Variants in MAP2K4 observed in about 807,000 individuals in gnomAD.
MAP2K4 encodes dual specificity mitogen-activated protein kinase kinase 4.
A neutral mutation model predicts 48.5 loss-of-function variants in MAP2K4; 4 were observed. That is an observed-to-expected ratio of 0.08 (90% CI 0.04 to 0.19). The LOEUF is 0.19. Among genes scored for constraint, MAP2K4 ranks in the 10% least tolerant of loss-of-function variants. The pLI is 1.00. For synonymous variants in MAP2K4, 166 were observed against 173.1 expected, an observed-to-expected ratio of 0.96 and a Z score of 0.32; for missense variants, 258 against 493.3, an observed-to-expected ratio of 0.52 and a Z score of 4.52.
intron 2 of MAP2K4, among the ~76,000 whole-genome samples, chr17:12,066,069 C>A (rs1453892606): frequency 6.6e-6 from 1 of 151,762 alleles, no homozygotes; most frequent in Non-Finnish European, 1.5e-5. Context: ...CTAGAGTCCC[C>A]TAAAAAGTTG....
intron 4 of MAP2K4, among the ~76,000 whole-genome samples, chr17:12,098,258 T>A (rs561560927): frequency 2.4e-4 from 36 of 152,190 alleles, no homozygotes; most frequent in Admixed American, 9.8e-4. Context: ...GGTGGGCGGA[T>A]CACGAGGTCA....
At chr17:12,061,433 C>T (rs1025087033) in intron 2 of MAP2K4, among the ~76,000 whole-genome samples, 1 of 152,296 alleles carries the variant, frequency 6.6e-6, no homozygotes, top group South Asian at 2.1e-4. Flanking sequence ...AAGTGATTCT[C>T]GACAGAGGTG....
At chr17:12,079,123 A>T (rs1971107258) in intron 2 of MAP2K4, among the ~76,000 whole-genome samples, 1 of 149,686 alleles carries the variant, frequency 6.7e-6, no homozygotes, top group Non-Finnish European at 1.5e-5. Flanking sequence ...TAAAGTGTAT[A>T]GTTCATTTGC....
rs182482701 is a variant in MAP2K4 at position 12,048,621 on chromosome 17, C to G, written c.116-6268C>G. Among the ~76,000 whole-genome samples, 35 of 151,996 alleles carry G rather than the reference C, an allele frequency of 2.3e-4. No individual in the cohort carries two copies. In the South Asian group the frequency reaches 5.8e-3, roughly 25 times the overall value. The stretch of plus-strand genomic sequence containing the variant: ...TGGATATATGGAATACCTGATATTG[C>G]GAGTCTAACATCTCTTTTTCTTTAT... On this transcript the variant is annotated intron_variant, in intron 1 of 10. Coordinates refer to ENST00000353533, the MANE Select transcript of MAP2K4 (RefSeq NM_003010.4).
rs1191386417 is a variant in MAP2K4 at position 12,107,821 on chromosome 17, C to G, written c.545C>G (p.Ser182Cys). The change falls in exon 5 of 11, where the codon TCT becomes TGT. Residue 182 changes from serine (S) to cysteine (C), a missense_variant. Ser to Cys is a moderately radical substitution (Grantham distance 112). Coordinates refer to ENST00000353533, the MANE Select transcript of MAP2K4 (RefSeq NM_003010.4). ...TGTTGGATCTGTATGGAACTCATGTCTACCTCGTTTGATAAGTTTTACAAA... is the reference window on the plus strand; with the variant it reads ...TGTTGGATCTGTATGGAACTCATGTGTACCTCGTTTGATAAGTTTTACAAA... Reference protein sequence around the residue: ...GDCWICMELMSTSFDKFYKYV... With the variant: ...GDCWICMELMCTSFDKFYKYV... The G allele has an allele frequency of 1.9e-6, 3 of 1,605,222 alleles. No individual in the cohort carries two copies. Among genetic ancestry groups the G allele is most frequent in the Admixed American group, 3.4e-5 (2 of 58,762 alleles).
chr17:12,080,149 T>C lies in MAP2K4; in HGVS notation c.219-1207T>C, dbSNP rs1971143353. On this transcript the variant is annotated intron_variant, in intron 2 of 10. Transcript: ENST00000353533. ...CTCAGAGTGGGGGTAGATTTTAAAG[T>C]TCTAAGTTTTTTGGGAACCTTAAAG... is the stretch of plus-strand genomic sequence containing the variant. 2.0e-5 allele frequency among the ~76,000 whole-genome samples: 3 copies of C among 152,148 alleles called. 1 individual carries two copies. In the South Asian group the frequency reaches 6.2e-4, roughly 32 times the overall value.
At chr17:12,073,630 T>C (rs1334991963) in intron 2 of MAP2K4, among the ~76,000 whole-genome samples, 2 of 152,172 alleles carry the variant, frequency 1.3e-5, no homozygotes, top group Admixed American at 1.3e-4. Flanking sequence ...TTTATTGAGG[T>C]ATAATTGGCA....
At chr17:12,024,639 C>T (rs867342703) in intron 1 of MAP2K4, among the ~76,000 whole-genome samples, 1 of 152,158 alleles carries the variant, frequency 6.6e-6, no homozygotes, top group Middle Eastern at 3.2e-3. Context: ...GGAAACAATA[C>T]TCAAATTAAC....
intron 2 of MAP2K4, among the ~76,000 whole-genome samples, chr17:12,073,789 C>G (rs78066091): frequency 3.6e-5 from 2 of 55,294 alleles, no homozygotes; most frequent in African/African-American, 5.4e-5. Context: ...TTTTTTTTTT[C>G]TGAGACGGAG....
intron 3 of MAP2K4, among the ~76,000 whole-genome samples, chr17:12,088,692 T>G (rs1971466088): frequency 6.7e-6 from 1 of 148,758 alleles, no homozygotes; most frequent in African/African-American, 2.5e-5. Flanking sequence ...CTTTATTTTC[T>G]GTGGAGAGGA....
intron 1 of MAP2K4, chr17:12,036,598 A>G (rs1340098975): frequency 6.6e-6 from 1 of 152,170 alleles, no homozygotes; most frequent in Non-Finnish European, 1.5e-5. Context: ...AGAGCAGTTG[A>G]GTTGCCCAAT....
intron 2 of MAP2K4, among the ~76,000 whole-genome samples, chr17:12,077,206 G>T (rs73300458): frequency 0.04 from 6,097 of 152,226 alleles, 394 homozygotes; most frequent in African/African-American, 0.14. Flanking sequence ...CTTTTGGCCT[G>T]TTGCTGGAAC....
chr17:12,076,857 TTG>T (rs57224781), intron 2 of MAP2K4, among the ~76,000 whole-genome samples: 5 of 150,924 alleles, frequency 3.3e-5, no homozygotes, highest in South Asian at 4.2e-4. Context: ...TGTTTGTATT[TTG>T]TGTGTGTGTG....
intron 1 of MAP2K4, among the ~76,000 whole-genome samples, chr17:12,049,209 G>A (rs540040882): frequency 6.6e-6 from 1 of 152,290 alleles, no homozygotes; most frequent in South Asian, 2.1e-4. Context: ...GAGAGCCAAG[G>A]AAGAAATGAG....
intron 5 of MAP2K4, 52 bp from the exon 6 acceptor site, chr17:12,110,323 T>C: frequency 7.9e-7 from 1 of 1,262,618 alleles, no homozygotes; most frequent in Non-Finnish European, 1.2e-6. Context: ...TGTTGTGCTG[T>C]TTGAATAAAA....
chr17:12,050,359 A>G (rs1205458054), intron 1 of MAP2K4, among the ~76,000 whole-genome samples: 1 of 152,250 alleles, frequency 6.6e-6, no homozygotes, highest in Non-Finnish European at 1.5e-5. Context: ...ATAGTTAAAA[A>G]TTTAAAGCAG....
rs1330002178 is a variant in MAP2K4, at chr17:12,143,233, T to G, written c.*1973T>G. The G allele has an allele frequency of 4.3e-6, 1 of 232,920 alleles. No homozygotes were observed. Among genetic ancestry groups the G allele is most frequent in the African/African-American group, 2.2e-5 (1 of 45,308 alleles). 14.4% of individuals were successfully genotyped at this position (232,920 alleles called of 1,614,324 possible). A position where few individuals can be genotyped will look rare whatever the true frequency, so the allele number is the denominator to read the frequency against. ...TGTCAACTTCCCATCTGGCTCAGCA[T>G]AGGGTCACTTTGCCATTATGCAAAT... On this transcript the variant is annotated 3_prime_UTR_variant, in exon 11 of 11. Transcript: ENST00000353533.
intron 9 of MAP2K4, among the ~76,000 whole-genome samples, chr17:12,135,233 A>C (rs1176280911): frequency 6.6e-6 from 1 of 151,784 alleles, no homozygotes; most frequent in Non-Finnish European, 1.5e-5. Flanking sequence ...GATTACAGGC[A>C]TGCACCACCA....
At chr17:12,050,782 C>G (rs1036334763) in intron 1 of MAP2K4, among the ~76,000 whole-genome samples, 1 of 152,164 alleles carries the variant, frequency 6.6e-6, no homozygotes, top group African/African-American at 2.4e-5. Flanking sequence ...AAGGTGTCTT[C>G]CCTCCAACTT....
Sources: gnomAD v4.1 joint callset for allele counts (sites outside exome capture counted in the v4.1 genomes callset) on GRCh38, gnomAD v4.1.1 for gene constraint, MANE v1.5 for transcripts, NCBI Gene and HGNC (gene_info 2026-07-23, HGNC 2026-07-21) for gene names.